PCDHGA3: variants seen among roughly 807,000 people sequenced by gnomAD.
PCDHGA3 encodes the protein protocadherin gamma subfamily A, 3.
In PCDHGA3, 40 loss-of-function variants were observed where a neutral mutation model predicts 58.5. The ratio of observed to expected loss-of-function variants is 0.68; its 90% CI spans 0.53 to 0.89. The LOEUF is 0.89. Among genes scored for constraint, PCDHGA3 ranks in the 40% least tolerant of loss-of-function variants. The pLI is 0.00. For synonymous variants in PCDHGA3, 530 were observed against 525.7 expected (o/e 1.01, Z -0.11); for missense variants, 1,223 against 1,195.9 (o/e 1.02, Z -0.33).
chr5:141,377,605 C>CAAAAAA (rs71576112), intron 1 of PCDHGA3: 1 of 140,678 alleles, frequency 7.1e-6, no homozygotes. Flanking sequence ...CTCTCTCTCT[C>CAAAAAA]AAAAAAAAAA....
chr5:141,460,507 G>A (rs2098991001), intron 1 of PCDHGA3, among the ~76,000 whole-genome samples: 1 of 152,036 alleles, frequency 6.6e-6, no homozygotes. Context: ...ATGCTGAGAA[G>A]GCTATCTTTT....
chr5:141,454,874 C>A (rs1002727777), intron 1 of PCDHGA3, among the ~76,000 whole-genome samples: 4 of 123,066 alleles, frequency 3.3e-5, no homozygotes, highest in African/African-American at 1.2e-4. Flanking sequence ...GTGGCACGAT[C>A]TTGGCTCACT....
chr5:141,421,069 A>T, intron 1 of PCDHGA3: 1 of 598,532 alleles, frequency 1.7e-6, no homozygotes, highest in Non-Finnish European at 2.8e-6. Context: ...AAGCGGAATG[A>T]GATGGATACT....
chr5:141,418,523 C>G (rs2096266495), intron 1 of PCDHGA3: 1 of 1,613,958 alleles, frequency 6.2e-7, no homozygotes, highest in Non-Finnish European at 8.5e-7. Context: ...GGACCCTCCC[C>G]GAAGCGGTAC....
At position 141,431,897 on chromosome 5, in the gene PCDHGA3, G is replaced by C. The variant is rs1591112104; in HGVS notation, c.2425-62910G>C. 6.2e-7 allele frequency: 1 copy of C among 1,613,830 alleles called. No homozygotes were observed. The highest frequency in any genetic ancestry group is 8.5e-7 in the Non-Finnish European group (1 of 1,179,704). ...AAATGACCAAGATTCTGAGGAAAAC[G>C]GACAGGTGATCTGTTTCATCCAAGG... On this transcript the variant is annotated intron_variant, in intron 1 of 3. Coordinates refer to ENST00000253812, the MANE Select transcript of PCDHGA3 (RefSeq NM_018916.4). The surrounding 1 kb of genome is among the most constrained non-coding windows in gnomAD (Gnocchi z 4.8).
At position 141,365,522 on chromosome 5, in the gene PCDHGA3, G is replaced by C. The variant is rs771198048; in HGVS notation, c.2424+19065G>C. 5 of 1,613,888 alleles carry C rather than the reference G, an allele frequency of 3.1e-6. No homozygotes were observed. In the South Asian group the frequency reaches 5.5e-5, roughly 18 times the overall value. ...TTTGCCTTTTAAATTGGAGAAGTCAGTTGATAATTACTATCACCTATTAAC... is the reference window on the plus strand; with the variant it reads ...TTTGCCTTTTAAATTGGAGAAGTCACTTGATAATTACTATCACCTATTAAC... On this transcript the variant is annotated intron_variant, in intron 1 of 3. Transcript: ENST00000253812.
chr5:141,420,968 T>A (rs1031890748), intron 1 of PCDHGA3: 1 of 441,548 alleles, frequency 2.3e-6, no homozygotes, highest in Non-Finnish European at 4.0e-6. Context: ...GTTGCAATAA[T>A]AAGAATGGGC....
chr5:141,364,729 C>A, intron 1 of PCDHGA3: 2 of 1,613,898 alleles, frequency 1.2e-6, no homozygotes, highest in Non-Finnish European at 1.7e-6. Flanking sequence ...TCCCGCGTTT[C>A]CGGGATGAAG....
chr5:141,490,045 C>G lies in PCDHGA3; in HGVS notation c.2425-4762C>G, dbSNP rs530803072. 6 of 1,614,114 alleles carry G rather than the reference C, an allele frequency of 3.7e-6. No individual in the cohort carries two copies. The highest frequency in any genetic ancestry group is 5.1e-6 in the Non-Finnish European group (6 of 1,180,014). On this transcript the variant is annotated intron_variant, in intron 1 of 3. Coordinates refer to ENST00000253812, the MANE Select transcript of PCDHGA3 (RefSeq NM_018916.4). This position sits in a 1 kb window ranked among gnomAD's most constrained non-coding sequence, Gnocchi z 5.4. ...GCTGCTCCGCCTCAATGCCACTGAT[C>G]CAGACGAGGGCACCAACGGCCAACT...
chr5:141,474,407 G>A (rs1431210575), intron 1 of PCDHGA3, among the ~76,000 whole-genome samples: 2 of 152,230 alleles, frequency 1.3e-5, no homozygotes, highest in East Asian at 1.9e-4. Flanking sequence ...GCTCCCCGGT[G>A]ATGCCTAGAC....
intron 1 of PCDHGA3, among the ~76,000 whole-genome samples, chr5:141,471,046 CT>C (rs1170588345): frequency 0.24 from 27,253 of 113,216 alleles, 2,739 homozygotes; most frequent in African/African-American, 0.39. Context: ...CCCAAGCCCT[CT>C]TTTTTTTTTT....
chr5:141,510,568 G>C (rs2099881703), intron 3 of PCDHGA3, among the ~76,000 whole-genome samples: 1 of 152,100 alleles, frequency 6.6e-6, no homozygotes, highest in Non-Finnish European at 1.5e-5. Context: ...CATCTACCAG[G>C]CACTATTTTA....
Position 141,485,117 on chromosome 5 carries a change from G to A in PCDHGA3, c.2425-9690G>A. The A allele has an allele frequency of 3.0e-6, 4 of 1,326,200 alleles. No homozygotes were observed. The highest frequency in any genetic ancestry group is 4.3e-6 in the Non-Finnish European group (4 of 933,470). 82.2% of individuals were successfully genotyped at this position (1,326,200 alleles called of 1,614,324 possible). On this transcript the variant is annotated intron_variant, in intron 1 of 3. Transcript: ENST00000253812. The surrounding 1 kb of genome is among the most constrained non-coding windows in gnomAD (Gnocchi z 5.7). ...GTCTCCAGCTGCTGTGGCTGTTTGG[G>A]GCGGGTCGGCTTCATCCGCGTCTCA...
At chr5:141,393,251 G>C in intron 1 of PCDHGA3, 1 of 1,613,814 alleles carries the variant, frequency 6.2e-7, no homozygotes, top group South Asian at 1.1e-5. Flanking sequence ...ACGAAATCGC[G>C]GTTCCTGGAG....
chr5:141,377,447 A>T (rs1397371836), intron 1 of PCDHGA3: 1 of 152,082 alleles, frequency 6.6e-6, no homozygotes, highest in African/African-American at 2.4e-5. Context: ...AAGAAAAAAA[A>T]GTAGCCAGAT....
intron 1 of PCDHGA3, chr5:141,355,489 G>A (rs1484818134): frequency 1.2e-6 from 2 of 1,614,062 alleles, no homozygotes; most frequent in Non-Finnish European, 1.7e-6. Context: ...GGAGCTCTGC[G>A]ACAGATCTCC....
intron 1 of PCDHGA3, among the ~76,000 whole-genome samples, chr5:141,454,730 A>C (rs2098797371): frequency 6.7e-6 from 1 of 150,092 alleles, no homozygotes; most frequent in Admixed American, 6.7e-5. Context: ...TATATGTTAT[A>C]GGATGAAAAG....
chr5:141,415,506 C>G, intron 1 of PCDHGA3: 1 of 1,614,148 alleles, frequency 6.2e-7, no homozygotes, highest in Non-Finnish European at 8.5e-7. Flanking sequence ...TCCCCCAGCC[C>G]AATTATGCGG....
At chr5:141,346,835 T>C (rs1410668727) in intron 1 of PCDHGA3, among the ~76,000 whole-genome samples, 2 of 152,236 alleles carry the variant, frequency 1.3e-5, no homozygotes, top group East Asian at 3.8e-4. Context: ...TAAATAGGCC[T>C]TTTTCATTTT....
Sources: gnomAD v4.1 joint callset for allele counts (sites outside exome capture counted in the v4.1 genomes callset) on GRCh38, gnomAD v4.1.1 for gene constraint, Gnocchi (gnomAD v3.1) non-coding constraint, MANE v1.5 for transcripts, NCBI Gene and HGNC (gene_info 2026-07-23, HGNC 2026-07-21) for gene names.